Variants in ATP1B2 observed in about 807,000 individuals in gnomAD.
ATP1B2 encodes the protein sodium/potassium-transporting ATPase subunit beta-2.
ATP1B2 carries 12 observed loss-of-function variants against 37.3 expected under a neutral mutation model. That is an observed-to-expected ratio of 0.32 (90% CI 0.21 to 0.52). The LOEUF is 0.52. Ranked by LOEUF, ATP1B2 falls within the 20% of genes least tolerant of loss-of-function variation. ATP1B2 has a pLI of 0.96. For synonymous variants in ATP1B2, 139 were observed against 140.5 expected (o/e 0.99, Z 0.07); for missense variants, 324 against 391.6 (o/e 0.83, Z 1.46).
chr17:7,655,823 C>T lies in ATP1B2; in HGVS notation c.801C>T (p.Asn267=). Residue 267 remains asparagine, a synonymous_variant, in exon 7 of 7, where the codon AAC becomes AAT. Coordinates refer to ENST00000250111, the MANE Select transcript of ATP1B2 (RefSeq NM_001678.5). The surrounding 1 kb of genome is among the most constrained non-coding windows in gnomAD (Gnocchi z 4.4). ...VNVECRINAA[N]IATDDERDKF... is the part of the protein sequence containing the mutation. ...TAGAATGTCGCATCAACGCCGCCAA[C>T]ATCGCCACAGACGATGAGCGAGACA... 2 of 1,614,186 alleles carry T rather than the reference C, an allele frequency of 1.2e-6. No individual in the cohort carries two copies. The highest frequency in any genetic ancestry group is 1.1e-5 in the South Asian group (1 of 91,078).
chr17:7,652,963 G>T (rs1168589755), intron 1 of ATP1B2, among the ~76,000 whole-genome samples: 4 of 152,180 alleles, frequency 2.6e-5, no homozygotes, highest in African/African-American at 9.7e-5. Context: ...CTGCGGGGTG[G>T]TATGAGGGTT....
Position 7,656,523 on chromosome 17 carries a change from C to T in ATP1B2, c.*628C>T, listed in dbSNP as rs947908910. 1 of 153,604 alleles carries T rather than the reference C, an allele frequency of 6.5e-6. No homozygotes were observed. Among genetic ancestry groups the T allele is most frequent in the African/African-American group, 2.4e-5 (1 of 41,432 alleles). 9.5% of individuals were successfully genotyped at this position (153,604 alleles called of 1,614,324 possible). On this transcript the variant is annotated 3_prime_UTR_variant, in exon 7 of 7. Coordinates refer to ENST00000250111, the MANE Select transcript of ATP1B2 (RefSeq NM_001678.5). Reference sequence around the variant, plus strand: ...AATTGAGGACAAGGTGGTTCTGTGGCCTTTTCCCTCTTTGCTGGCACGTTC... The same window carrying T: ...AATTGAGGACAAGGTGGTTCTGTGGTCTTTTCCCTCTTTGCTGGCACGTTC...
chr17:7,653,724 C>T (rs1323321710), intron 2 of ATP1B2, 117 bp from the exon 3 acceptor site: 9 of 1,266,936 alleles, frequency 7.1e-6, no homozygotes, highest in East Asian at 4.6e-5. Context: ...CCCATGAAGA[C>T]GATCTCAGAT....
chr17:7,654,074 C>T lies in ATP1B2; in HGVS notation c.369C>T (p.Ala123=), dbSNP rs2072632613. 6.2e-7 allele frequency: 1 copy of T among 1,614,142 alleles called. No individual in the cohort carries two copies. Among genetic ancestry groups the T allele is most frequent in the Non-Finnish European group, 8.5e-7 (1 of 1,180,028 alleles). The part of the protein sequence containing the change: ...FLEPYNDSIQ[A]QKNDVCRPGR... ...TAGCTTACAACGACTCTATCCAAGC[C>T]CAAAAGAATGATGTCTGCCGCCCTG... The change falls in exon 4 of 7, where the codon GCC becomes GCT. Residue 123 remains alanine, a synonymous_variant. Coordinates refer to ENST00000250111, the MANE Select transcript of ATP1B2 (RefSeq NM_001678.5). The surrounding 1 kb of genome is among the most constrained non-coding windows in gnomAD (Gnocchi z 4.9).
Position 7,651,163 on chromosome 17 carries a change from T to G in ATP1B2, c.-356T>G. 4 of 232,310 alleles carry G rather than the reference T, an allele frequency of 1.7e-5. No individual in the cohort carries two copies. The highest frequency in any genetic ancestry group is 1.5e-4 in the East Asian group (1 of 6,768). The allele number at this position is 232,310 out of a possible 1,614,324, so 14.4% of individuals were successfully genotyped here. A position where few individuals can be genotyped will look rare whatever the true frequency, so the allele number is the denominator to read the frequency against. ...CGCTTTTTTTCTGCGTTCTGCTCGG[T>G]TTTTGTAGCCGTCTGTTTTTGCACC... On this transcript the variant is annotated 5_prime_UTR_variant, in exon 1 of 7. Transcript: ENST00000250111.
At chr17:7,650,321 C>T (rs1236745123), upstream of ATP1B2, among the ~76,000 whole-genome samples, 1 of 152,182 alleles carries the variant, frequency 6.6e-6, no homozygotes, top group African/African-American at 2.4e-5. Flanking sequence ...AGCCTCTGCA[C>T]GTGGACAGAG....
upstream of ATP1B2, among the ~76,000 whole-genome samples, chr17:7,648,699 G>C (rs1454808800): frequency 6.6e-6 from 1 of 151,964 alleles, no homozygotes; most frequent in Non-Finnish European, 1.5e-5. Context: ...TATGCAGCTG[G>C]CCATGCTTCA....
At position 7,653,964 on chromosome 17, in the gene ATP1B2, A is replaced by G. The variant is rs2150978161; in HGVS notation, c.346+19A>G. ...TTGGAGCGTGAGTGTGGGCCTGGTT[A>G]TGTGTCAGTTCAAGACTTCGGGCAG... is the stretch of plus-strand genomic sequence containing the variant. On this transcript the variant is annotated intron_variant, in intron 3 of 6. Coordinates refer to ENST00000250111, the MANE Select transcript of ATP1B2 (RefSeq NM_001678.5). 1 of 1,579,780 alleles carries G rather than the reference A, an allele frequency of 6.3e-7. No homozygotes were observed. The highest frequency in any genetic ancestry group is 1.7e-4 in the Middle Eastern group (1 of 5,886).
At position 7,652,404 on chromosome 17, in the gene ATP1B2, C is replaced by T. The variant is rs115671541; in HGVS notation, c.112+774C>T. Among the ~76,000 whole-genome samples, 367 of 152,104 alleles carry T rather than the reference C, an allele frequency of 2.4e-3. 3 individuals are homozygous for T. Among genetic ancestry groups the T allele is most frequent in the African/African-American group, 8.5e-3 (352 of 41,482 alleles). On this transcript the variant is annotated intron_variant, in intron 1 of 6. Transcript: ENST00000250111. The stretch of plus-strand genomic sequence containing the variant: ...GGTGCAGGTGAGGGGTGGAATTCTT[C>T]CAAGAGGGATGGTCAAGCTGGGACG...
intron 1 of ATP1B2, among the ~76,000 whole-genome samples, chr17:7,652,372 C>T (rs1433287507): frequency 1.3e-5 from 2 of 151,788 alleles, no homozygotes; most frequent in African/African-American, 4.8e-5. Flanking sequence ...GTCTGGTGAC[C>T]GGCACAGGTG....
Position 7,654,318 on chromosome 17 carries a change from A to T in ATP1B2, c.552+61A>T. 2 of 1,558,080 alleles carry T rather than the reference A, an allele frequency of 1.3e-6. No individual in the cohort carries two copies. The highest frequency in any genetic ancestry group is 1.8e-6 in the Non-Finnish European group (2 of 1,133,040). ...AAGGATCTGGGGACACCACCTGCAG[A>T]CAATTGCATCCTTTCACTGGGGCTA... On this transcript the variant is annotated intron_variant, in intron 4 of 6. Coordinates refer to ENST00000250111, the MANE Select transcript of ATP1B2 (RefSeq NM_001678.5). The surrounding 1 kb of genome is among the most constrained non-coding windows in gnomAD (Gnocchi z 4.9).
rs764574075 is a variant in ATP1B2, at chr17:7,655,512, C to T, written c.610-15C>T. 5 of 1,613,968 alleles carry T rather than the reference C, an allele frequency of 3.1e-6. No individual in the cohort carries two copies. The highest frequency in any genetic ancestry group is 1.7e-5 in the Admixed American group (1 of 59,998). On this transcript the variant is annotated splice_polypyrimidine_tract_variant and intron_variant, in intron 5 of 6. Transcript: ENST00000250111. The surrounding 1 kb of genome is among the most constrained non-coding windows in gnomAD (Gnocchi z 4.4). ...CCCTAACTGGCTCACCCCCTATCTT[C>T]CTGCACCCCCACAGCGAGATGAAGA...
chr17:7,649,242 G>T (rs1694520790), upstream of ATP1B2, among the ~76,000 whole-genome samples: 1 of 151,432 alleles, frequency 6.6e-6, no homozygotes, highest in Non-Finnish European at 1.5e-5. Flanking sequence ...TAGTAGAGAC[G>T]CAGTTTCACC....
At chr17:7,648,136 A>T (rs2072586394), upstream of ATP1B2, among the ~76,000 whole-genome samples, 1 of 152,012 alleles carries the variant, frequency 6.6e-6, no homozygotes, top group Non-Finnish European at 1.5e-5. Flanking sequence ...GCTACTCAAG[A>T]GGCTGAGACA....
Position 7,655,387 on chromosome 17 carries a change from C to T in ATP1B2, c.610-140C>T, listed in dbSNP as rs1251535663. 1 of 746,336 alleles carries T rather than the reference C, an allele frequency of 1.3e-6. No individual in the cohort carries two copies. Among genetic ancestry groups the T allele is most frequent in the Non-Finnish European group, 2.2e-6 (1 of 446,504 alleles). The allele number at this position is 746,336 out of a possible 1,614,324, so 46.2% of individuals were successfully genotyped here. A position where few individuals can be genotyped will look rare whatever the true frequency, so the allele number is the denominator to read the frequency against. On this transcript the variant is annotated intron_variant, in intron 5 of 6. Transcript: ENST00000250111. This position sits in a 1 kb window ranked among gnomAD's most constrained non-coding sequence, Gnocchi z 4.4. ...GCACATGCAGACACACACACACAGACTCACAGCTCCAGGGAGGCAGACTTG... is the reference window on the plus strand; with the variant it reads ...GCACATGCAGACACACACACACAGATTCACAGCTCCAGGGAGGCAGACTTG...
chr17:7,650,959 G>GC lies in ATP1B2; in HGVS notation c.-554dup, dbSNP rs1054212051. 4.6e-5 allele frequency among the ~76,000 whole-genome samples: 7 copies of GC among 152,012 alleles called. No homozygotes were observed. The highest frequency in any genetic ancestry group is 7.3e-5 in the African/African-American group (3 of 41,340). ...GAGGAGCGGAGCCTCCGCCTGGGGG[G>GC]CCCCCCATCCCTGGCTGTCCCCCAG... On this transcript the variant is annotated 5_prime_UTR_variant, in exon 1 of 7. Coordinates refer to ENST00000250111, the MANE Select transcript of ATP1B2 (RefSeq NM_001678.5).
rs2072638260 is a variant in ATP1B2 at position 7,654,737 on chromosome 17, T to G, written c.609+53T>G. The G allele has an allele frequency of 6.3e-7, 1 of 1,579,608 alleles. No homozygotes were observed. The highest frequency in any genetic ancestry group is 2.2e-5 in the East Asian group (1 of 44,692). The stretch of plus-strand genomic sequence containing the variant: ...CTCACCTGAGTGGCTCACCTGAGTG[T>G]CCTTCATGGTTTCTGTGTAATTCAC... On this transcript the variant is annotated intron_variant, in intron 5 of 6. Coordinates refer to ENST00000250111, the MANE Select transcript of ATP1B2 (RefSeq NM_001678.5). This position sits in a 1 kb window ranked among gnomAD's most constrained non-coding sequence, Gnocchi z 4.9.
At position 7,655,750 on chromosome 17, in the gene ATP1B2, TG is replaced by T. The variant is rs781608500; in HGVS notation, c.730del (p.Val244TrpfsTer3). On this transcript the variant is annotated frameshift_variant, in exon 7 of 7. Coordinates refer to ENST00000250111, the MANE Select transcript of ATP1B2 (RefSeq NM_001678.5). LOFTEE classifies it high-confidence loss of function. This position sits in a 1 kb window ranked among gnomAD's most constrained non-coding sequence, Gnocchi z 4.4. Reference protein sequence around the residue: ...KKFHVNYTQPLVAVKFLNVTP... With the variant: ...KKFHVNYTQPXVAVKFLNVTP... ...GCCCAGGTGAACTACACACAGCCCCTGGTGGCTGTGAAGTTCCTGAATGTGA... is the reference window on the plus strand; with the variant it reads ...GCCCAGGTGAACTACACACAGCCCCTGTGGCTGTGAAGTTCCTGAATGTGA... The T allele has an allele frequency of 6.2e-7, 1 of 1,614,136 alleles. No homozygotes were observed. Among genetic ancestry groups the T allele is most frequent in the Non-Finnish European group, 8.5e-7 (1 of 1,180,042 alleles).
chr17:7,656,376 C>G lies in ATP1B2; in HGVS notation c.*481C>G. ...TAAGCTCTGGCCACCGTCCCTTGAT[C>G]TCTCATACTTTCTCCCTGTCTACAC... On this transcript the variant is annotated 3_prime_UTR_variant, in exon 7 of 7. Coordinates refer to ENST00000250111, the MANE Select transcript of ATP1B2 (RefSeq NM_001678.5). The G allele has an allele frequency of 5.8e-6, 1 of 172,562 alleles. No homozygotes were observed. The highest frequency in any genetic ancestry group is 1.3e-5 in the Non-Finnish European group (1 of 79,580). 10.7% of individuals were successfully genotyped at this position (172,562 alleles called of 1,614,324 possible).
Sources: gnomAD v4.1 joint callset for allele counts (sites outside exome capture counted in the v4.1 genomes callset) on GRCh38, gnomAD v4.1.1 for gene constraint, Gnocchi (gnomAD v3.1) non-coding constraint, MANE v1.5 for transcripts, NCBI Gene and HGNC (gene_info 2026-07-23, HGNC 2026-07-21) for gene names.